The following SAMMSON variants were observed in gnomAD, a reference collection of about 807,000 sequenced individuals.
The protein encoded by SAMMSON is long intergenic non-protein coding RNA 1212.
intron 4 of SAMMSON, among the ~76,000 whole-genome samples, chr3:70,110,917 G>C (rs1311267814): frequency 6.6e-6 from 1 of 152,122 alleles, no homozygotes; most frequent in East Asian, 1.9e-4. Context: ...TAGTAACCAG[G>C]GAGAAATGTT....
chr3:70,309,118 T>A (rs1702433532), intron 7 of SAMMSON, among the ~76,000 whole-genome samples: 2 of 152,108 alleles, frequency 1.3e-5, no homozygotes, highest in Admixed American at 6.6e-5. Flanking sequence ...AAATTCTGAT[T>A]GATAACTGTT....
intron 7 of SAMMSON, among the ~76,000 whole-genome samples, chr3:70,318,079 G>A (rs139522338): frequency 2.6e-5 from 4 of 151,786 alleles, no homozygotes; most frequent in East Asian, 1.9e-4. Flanking sequence ...TGACTAGGAT[G>A]TACTTAGATG....
chr3:70,287,872 G>T (rs1017179541), intron 6 of SAMMSON, among the ~76,000 whole-genome samples: 2 of 151,942 alleles, frequency 1.3e-5, no homozygotes, highest in Non-Finnish European at 2.9e-5. Flanking sequence ...TTCTCTGATG[G>T]TAGTTTGTAT....
chr3:70,003,428 T>A (rs555530545), intron 1 of SAMMSON, among the ~76,000 whole-genome samples: 3 of 151,910 alleles, frequency 2.0e-5, no homozygotes, highest in African/African-American at 7.2e-5. Flanking sequence ...ATAAATTTTA[T>A]TGAAGAGTTT....
intron 7 of SAMMSON, among the ~76,000 whole-genome samples, chr3:70,296,338 C>T (rs935337715): frequency 2.0e-4 from 31 of 152,028 alleles, no homozygotes; most frequent in Non-Finnish European, 1.3e-4. Flanking sequence ...GAGACTGAAA[C>T]AGACTCTTAA....
At chr3:70,075,732 A>G (rs996509264) in intron 4 of SAMMSON, among the ~76,000 whole-genome samples, 2 of 152,170 alleles carry the variant, frequency 1.3e-5, no homozygotes, top group African/African-American at 4.8e-5. Context: ...CTGAAAAGCA[A>G]GGAAAAGGAT....
intron 2 of SAMMSON, among the ~76,000 whole-genome samples, chr3:70,412,105 T>A (rs1701224456): frequency 6.6e-6 from 1 of 152,172 alleles, no homozygotes; most frequent in Non-Finnish European, 1.5e-5. Context: ...GGGGAAGCTT[T>A]TAAAGGACTA....
chr3:70,134,159 C>T (rs2067496140), intron 4 of SAMMSON, among the ~76,000 whole-genome samples: 1 of 149,478 alleles, frequency 6.7e-6, no homozygotes, highest in South Asian at 2.1e-4. Context: ...ACTTGGGAGG[C>T]TGAGGCAAGA....
At chr3:70,352,504 G>C (rs1273161649) in intron 7 of SAMMSON, among the ~76,000 whole-genome samples, 1 of 152,012 alleles carries the variant, frequency 6.6e-6, no homozygotes, top group Non-Finnish European at 1.5e-5. Flanking sequence ...ATCCTAAAAT[G>C]CTTAAAATAA....
intron 2 of SAMMSON, among the ~76,000 whole-genome samples, chr3:70,400,126 G>A (rs937270485): frequency 6.6e-6 from 1 of 151,988 alleles, no homozygotes; most frequent in African/African-American, 2.4e-5. Flanking sequence ...TGATGATAGT[G>A]AATTTTCTGT....
chr3:70,356,533 T>A (rs1181428975), intron 8 of SAMMSON, among the ~76,000 whole-genome samples: 1 of 152,166 alleles, frequency 6.6e-6, no homozygotes, highest in Admixed American at 6.6e-5. Flanking sequence ...CACCAGTCAT[T>A]TAATGACATT....
chr3:70,112,633 T>C (rs1224832384), intron 4 of SAMMSON, among the ~76,000 whole-genome samples: 1 of 152,164 alleles, frequency 6.6e-6, no homozygotes, highest in African/African-American at 2.4e-5. Context: ...TGGGTACATC[T>C]AGAATTTTTC....
chr3:70,140,962 CTCTGGGACTTCA>C (rs1393270663), intron 4 of SAMMSON, among the ~76,000 whole-genome samples: 2 of 152,154 alleles, frequency 1.3e-5, no homozygotes, highest in Non-Finnish European at 2.9e-5. Flanking sequence ...CCTCCTTTCT[CTCTGGGACTTCA>C]TCAGAATTGC....
chr3:70,423,916 C>T (rs887705614), intron 2 of SAMMSON, among the ~76,000 whole-genome samples: 4 of 152,166 alleles, frequency 2.6e-5, no homozygotes, highest in African/African-American at 9.7e-5. Context: ...CATCGTTTAG[C>T]AGATCTTTCT....
At chr3:70,222,338 C>G (rs1701467570) in intron 4 of SAMMSON, among the ~76,000 whole-genome samples, 1 of 152,190 alleles carries the variant, frequency 6.6e-6, no homozygotes, top group South Asian at 2.1e-4. Flanking sequence ...TAAAACTACT[C>G]ATTTTAGCTC....
At chr3:70,131,418 T>A (rs1004401668) in intron 4 of SAMMSON, among the ~76,000 whole-genome samples, 4 of 152,204 alleles carry the variant, frequency 2.6e-5, no homozygotes, top group African/African-American at 9.6e-5. Flanking sequence ...CATTGTAAGC[T>A]GAAAATTCTT....
intron 1 of SAMMSON, among the ~76,000 whole-genome samples, chr3:70,010,173 A>T: frequency 6.6e-6 from 1 of 152,026 alleles, no homozygotes; most frequent in East Asian, 1.9e-4. Flanking sequence ...TGCAGAGCTG[A>T]GTTCAATTCC....
chr3:70,005,776 T>C (rs2066924321), intron 1 of SAMMSON, among the ~76,000 whole-genome samples: 1 of 152,212 alleles, frequency 6.6e-6, no homozygotes, highest in African/African-American at 2.4e-5. Flanking sequence ...CCAGAACACA[T>C]TGCTTCTTTC....
chr3:70,111,782 A>C (rs1399790055), intron 4 of SAMMSON, among the ~76,000 whole-genome samples: 1 of 152,182 alleles, frequency 6.6e-6, no homozygotes, highest in Non-Finnish European at 1.5e-5. Context: ...AAAATGTTGT[A>C]ATATAAACCT....
Sources: gnomAD v4.1 joint callset for allele counts (sites outside exome capture counted in the v4.1 genomes callset) on GRCh38, gnomAD v4.1.1 for gene constraint, MANE v1.5 for transcripts, NCBI Gene and HGNC (gene_info 2026-07-23, HGNC 2026-07-21) for gene names.